The following LYPD6B variants were observed in gnomAD, a reference collection of about 807,000 sequenced individuals.
LYPD6B encodes the protein ly6/PLAUR domain-containing protein 6B.
Under a neutral mutation model 22.8 loss-of-function variants are expected in LYPD6B, and 17 were observed. The observed-to-expected ratio is 0.75, with a 90% CI of 0.51 to 1.12. The LOEUF (loss-of-function observed/expected upper bound fraction) is 1.12, where lower values mean the gene tolerates loss of function less well. Ranked by LOEUF, LYPD6B falls within the 50% of genes most tolerant of loss-of-function variation. The pLI is 0.00. For synonymous variants in LYPD6B, 106 were observed against 91.6 expected (o/e 1.16, Z -0.90); for missense variants, 221 against 258.3 (o/e 0.86, Z 0.99).
chr2:149,144,598 G>A (rs934777767), intron 2 of LYPD6B, among the ~76,000 whole-genome samples: 12 of 152,106 alleles, frequency 7.9e-5, no homozygotes, highest in Non-Finnish European at 1.5e-5. Flanking sequence ...CACCATGTTG[G>A]CCCTACTGGT....
At chr2:149,205,080 T>C in intron 3 of LYPD6B, 173 bp from the exon 4 acceptor site, 1 of 639,268 alleles carries the variant, frequency 1.6e-6, no homozygotes, top group Non-Finnish European at 2.6e-6. Flanking sequence ...AGGAGGTCAT[T>C]ACTTACCTTT....
chr2:149,115,215 A>G (rs1337364885), intron 1 of LYPD6B, among the ~76,000 whole-genome samples: 1 of 152,222 alleles, frequency 6.6e-6, no homozygotes, highest in Non-Finnish European at 1.5e-5. Context: ...CTGGGATTAC[A>G]GGTGTGAGCC....
At chr2:149,106,271 G>T (rs6738229) in intron 1 of LYPD6B, among the ~76,000 whole-genome samples, 45,515 of 151,856 alleles carry the variant, frequency 0.3, 7,814 homozygotes, top group East Asian at 0.84. Context: ...GTATATTTCT[G>T]CTTTTGGTAT....
chr2:149,171,766 G>C (rs1307126627), intron 3 of LYPD6B, among the ~76,000 whole-genome samples: 2 of 152,166 alleles, frequency 1.3e-5, no homozygotes, highest in Non-Finnish European at 2.9e-5. Context: ...AAGATGTTCT[G>C]TTGGTTTAGG....
At chr2:149,160,655 T>G (rs966924193) in intron 2 of LYPD6B, 109 bp from the exon 3 acceptor site, 1 of 758,660 alleles carries the variant, frequency 1.3e-6, no homozygotes, top group East Asian at 2.7e-5. Context: ...TTCTGAAACA[T>G]CTCCAAACAT....
intron 1 of LYPD6B, among the ~76,000 whole-genome samples, chr2:149,062,065 C>T (rs897455562): frequency 6.6e-6 from 1 of 151,786 alleles, no homozygotes; most frequent in Non-Finnish European, 1.5e-5. Flanking sequence ...CAGCTCACCA[C>T]AAACTCCGCC....
At position 149,208,391 on chromosome 2, in the gene LYPD6B, G is replaced by T; in HGVS notation, c.307G>T (p.Glu103Ter). ...GDNYNCNRWA[E>*]DKWCPQNTQY... ...TAATTATAACTGCAATCGATGGGCA[G>T]AAGACAAATGGTGTCCACAAAGTAA... Residue 103 changes from glutamate (E) to a stop codon, truncating the protein, a stop_gained, in exon 5 of 7, where the codon GAA (glutamate) becomes TAA (stop). Transcript: ENST00000409642. LOFTEE classifies it high-confidence loss of function. The T allele has an allele frequency of 6.2e-7, 1 of 1,613,428 alleles. No homozygotes were observed. Among genetic ancestry groups the T allele is most frequent in the Non-Finnish European group, 8.5e-7 (1 of 1,179,426 alleles).
At chr2:149,080,033 T>C (rs932362510) in intron 1 of LYPD6B, among the ~76,000 whole-genome samples, 1 of 152,182 alleles carries the variant, frequency 6.6e-6, no homozygotes, top group Non-Finnish European at 1.5e-5. Context: ...AAGGGGACTA[T>C]GTAAGTATAT....
At chr2:149,185,832 T>C (rs1435056654) in intron 3 of LYPD6B, among the ~76,000 whole-genome samples, 1 of 152,222 alleles carries the variant, frequency 6.6e-6, no homozygotes, top group African/African-American at 2.4e-5. Flanking sequence ...ATTATTATTA[T>C]ACCTGTTATG....
At chr2:149,068,609 G>T in intron 1 of LYPD6B, 1 of 466,548 alleles carries the variant, frequency 2.1e-6, no homozygotes, top group Non-Finnish European at 4.4e-6. Flanking sequence ...ATTCATTAGT[G>T]GTGGCTTCAA....
chr2:149,204,087 A>G (rs988087277), intron 3 of LYPD6B, among the ~76,000 whole-genome samples: 1 of 152,226 alleles, frequency 6.6e-6, no homozygotes, highest in Non-Finnish European at 1.5e-5. Context: ...GAACTCTAGT[A>G]TTCCAGTATT....
intron 1 of LYPD6B, among the ~76,000 whole-genome samples, chr2:149,105,820 T>C (rs1686444999): frequency 6.6e-6 from 1 of 152,128 alleles, no homozygotes; most frequent in African/African-American, 2.4e-5. Flanking sequence ...GGCTAGATCC[T>C]CCTGTGCAAT....
At chr2:149,080,844 A>T (rs1685092873) in intron 1 of LYPD6B, among the ~76,000 whole-genome samples, 1 of 126,372 alleles carries the variant, frequency 7.9e-6, no homozygotes, top group Non-Finnish European at 1.7e-5. Context: ...TCTATCTCAA[A>T]AAAAAAAAAA....
chr2:149,204,844 G>A (rs1693403258), intron 3 of LYPD6B: 1 of 160,332 alleles, frequency 6.2e-6, no homozygotes, highest in Non-Finnish European at 1.4e-5. Flanking sequence ...CTCAAGGAAT[G>A]GAACTGACAG....
intron 3 of LYPD6B, among the ~76,000 whole-genome samples, chr2:149,186,824 G>A (rs1197726259): frequency 6.6e-6 from 1 of 152,116 alleles, no homozygotes; most frequent in Admixed American, 6.5e-5. Flanking sequence ...ATGTTCTATG[G>A]GTAAAATGCT....
chr2:149,126,696 A>T (rs1447509748), intron 1 of LYPD6B, among the ~76,000 whole-genome samples: 1 of 152,052 alleles, frequency 6.6e-6, no homozygotes, highest in Non-Finnish European at 1.5e-5. Context: ...CATGCTTTTG[A>T]TTTCTTCTGC....
chr2:149,205,059 T>C, intron 3 of LYPD6B, 194 bp from the exon 4 acceptor site: 1 of 574,420 alleles, frequency 1.7e-6, no homozygotes, highest in Non-Finnish European at 3.0e-6. Flanking sequence ...TGCAGAGGCC[T>C]GACCAGTAGA....
chr2:149,132,093 T>C (rs989928410), intron 2 of LYPD6B, among the ~76,000 whole-genome samples: 3 of 151,834 alleles, frequency 2.0e-5, no homozygotes, highest in African/African-American at 4.8e-5. Flanking sequence ...GAAACACTCA[T>C]AGGCAAGTCA....
intron 3 of LYPD6B, among the ~76,000 whole-genome samples, chr2:149,181,407 T>C (rs1275601235): frequency 6.7e-6 from 1 of 149,628 alleles, no homozygotes; most frequent in East Asian, 2.1e-4. Flanking sequence ...TTCAGTGACA[T>C]GAGATGACAG....
Sources: allele counts gnomAD v4.1 joint callset (sites outside exome capture counted in the v4.1 genomes callset), GRCh38; gene constraint gnomAD v4.1.1; transcripts MANE v1.5; gene names NCBI Gene and HGNC (gene_info 2026-07-23, HGNC 2026-07-21).